GRID2: variants seen among roughly 807,000 people sequenced by gnomAD.
GRID2 encodes glutamate receptor ionotropic, delta-2.
Under a neutral mutation model 114.8 loss-of-function variants are expected in GRID2, and 33 were observed. The ratio of observed to expected loss-of-function variants is 0.29; its 90% CI spans 0.22 to 0.38. The LOEUF (loss-of-function observed/expected upper bound fraction) is 0.38. Ranked by LOEUF, GRID2 falls within the 10% of genes least tolerant of loss-of-function variation. The probability of loss-of-function intolerance (pLI) is 1.00; values close to 1 mark genes in which losing one functional copy is unlikely to be tolerated. For synonymous variants in GRID2, 505 were observed against 449.9 expected, an observed-to-expected ratio of 1.12 and a Z score of -1.55; for missense variants, 1,184 against 1,257.7, an observed-to-expected ratio of 0.94 and a Z score of 0.89.
chr4:92,431,576 C>CTTT (rs139358667), intron 1 of GRID2, among the ~76,000 whole-genome samples: 2 of 114,124 alleles, frequency 1.8e-5, no homozygotes, highest in African/African-American at 3.1e-5. Context: ...TTTGACGTGT[C>CTTT]TTTTTTTTTT....
At chr4:93,266,451 C>T (rs138880632) in intron 8 of GRID2, among the ~76,000 whole-genome samples, 4 of 152,234 alleles carry the variant, frequency 2.6e-5, no homozygotes, top group East Asian at 3.9e-4. Context: ...CACACATCCA[C>T]CTGTTCACCA....
chr4:92,729,928 A>C (rs1229151822), intron 2 of GRID2, among the ~76,000 whole-genome samples: 1 of 152,040 alleles, frequency 6.6e-6, no homozygotes, highest in East Asian at 1.9e-4. Flanking sequence ...CAAAGCAAGC[A>C]AAGAGAAAGC....
intron 1 of GRID2, among the ~76,000 whole-genome samples, chr4:92,478,480 G>T (rs1192632838): frequency 3.3e-5 from 5 of 152,156 alleles, no homozygotes; most frequent in Non-Finnish European, 4.4e-5. Context: ...TCATCATAAA[G>T]CTGGTCATGC....
chr4:93,403,697 G>T (rs571870054), intron 9 of GRID2, among the ~76,000 whole-genome samples: 6 of 152,146 alleles, frequency 3.9e-5, no homozygotes, highest in Non-Finnish European at 7.4e-5. Flanking sequence ...AGCCCACTAG[G>T]ATGGCTATAT....
intron 2 of GRID2, among the ~76,000 whole-genome samples, chr4:92,751,254 G>T (rs922546608): frequency 6.6e-6 from 1 of 151,980 alleles, no homozygotes; most frequent in African/African-American, 2.4e-5. Context: ...AAAAAGATAC[G>T]TAGATTAAAA....
chr4:93,325,211 T>G (rs1424686031), intron 8 of GRID2, among the ~76,000 whole-genome samples: 1 of 152,188 alleles, frequency 6.6e-6, no homozygotes, highest in Non-Finnish European at 1.5e-5. Context: ...GCTTTAAGTG[T>G]GTCCCAGAGA....
chr4:92,913,661 A>T (rs1031984403), intron 2 of GRID2, among the ~76,000 whole-genome samples: 2 of 152,040 alleles, frequency 1.3e-5, no homozygotes, highest in African/African-American at 2.4e-5. Context: ...ATTATACTGT[A>T]GCATTTGACT....
chr4:92,737,701 A>T (rs1047919424), intron 2 of GRID2, among the ~76,000 whole-genome samples: 3 of 152,180 alleles, frequency 2.0e-5, no homozygotes, highest in African/African-American at 7.2e-5. Context: ...AATTTATAGA[A>T]TAAACAGATA....
chr4:92,811,205 A>T lies in GRID2; in HGVS notation c.244+220919A>T, dbSNP rs956457072. Among the ~76,000 whole-genome samples the T allele has an allele frequency of 3.3e-5, 5 of 152,176 alleles. No homozygotes were observed. The East Asian group carries it at 9.7e-4, about 29-fold the overall frequency. On this transcript the variant is annotated intron_variant, in intron 2 of 15. Transcript: ENST00000282020. ...TGTCCCTGAAATCCTTGAAATAAAA[A>T]GTATAATTTTCTAACTAAAAATGTA...
chr4:93,324,822 G>A (rs1048324596), intron 8 of GRID2, among the ~76,000 whole-genome samples: 87 of 152,160 alleles, frequency 5.7e-4, no homozygotes, highest in Non-Finnish European at 1.0e-3. Flanking sequence ...GTTTACTTGC[G>A]TAGAGGTGTT....
chr4:92,966,625 T>C (rs900049915), intron 2 of GRID2, among the ~76,000 whole-genome samples: 22 of 151,860 alleles, frequency 1.4e-4, no homozygotes, highest in Admixed American at 9.2e-4. Context: ...GATCTGATGT[T>C]TTCATAAATA....
rs192143044 is a variant in GRID2, at chr4:93,709,492, C to T, written c.2361-59718C>T. 8.5e-5 allele frequency among the ~76,000 whole-genome samples: 13 copies of T among 152,196 alleles called. No individual in the cohort carries two copies. The East Asian group carries it at 1.5e-3, about 18-fold the overall frequency. On this transcript the variant is annotated intron_variant, in intron 14 of 15. Coordinates refer to ENST00000282020, the MANE Select transcript of GRID2 (RefSeq NM_001510.4). ...TATGTTATTTATTCCTTTTCTCTTG[C>T]GGCTTTTAGAATCCTTTCTTTATCC... is the stretch of plus-strand genomic sequence containing the variant.
chr4:92,944,021 C>T (rs1469645647), intron 2 of GRID2, among the ~76,000 whole-genome samples: 1 of 152,204 alleles, frequency 6.6e-6, no homozygotes. Context: ...AGTTAGGCTA[C>T]TCAGGGGTCA....
At chr4:92,888,913 G>A (rs1337069366) in intron 2 of GRID2, among the ~76,000 whole-genome samples, 2 of 151,730 alleles carry the variant, frequency 1.3e-5, no homozygotes, top group African/African-American at 4.8e-5. Flanking sequence ...CATATTATCT[G>A]TATATGAGCA....
chr4:92,975,156 C>CAAAAAAAA lies in GRID2; in HGVS notation c.245-109825_245-109818dup, dbSNP rs527770693. 2.9e-3 allele frequency among the ~76,000 whole-genome samples: 137 copies of CAAAAAAAA among 46,670 alleles called. 25 individuals are homozygous for CAAAAAAAA. The highest frequency in any genetic ancestry group is 0.013 in the African/African-American group (128 of 10,190). The allele number at this position is 46,670 out of a possible 152,430, so 30.6% of individuals were successfully genotyped here. On this transcript the variant is annotated intron_variant, in intron 2 of 15. Coordinates refer to ENST00000282020, the MANE Select transcript of GRID2 (RefSeq NM_001510.4). Reference sequence around the variant, plus strand: ...TGGGCGACAGAGTGAGATTCCGCCTCAAAAAAAAAAAAAAAAAAAAAGGTG... The same window carrying CAAAAAAAA: ...TGGGCGACAGAGTGAGATTCCGCCTCAAAAAAAAAAAAAAAAAAAAAAAAAAAAAGGTG...
At chr4:92,643,873 A>G (rs1048628680) in intron 2 of GRID2, among the ~76,000 whole-genome samples, 1 of 151,980 alleles carries the variant, frequency 6.6e-6, no homozygotes, top group Middle Eastern at 3.4e-3. Flanking sequence ...GAGAAATTCA[A>G]TCTAATCAGA....
At chr4:93,801,876 TA>T (rs1489240727) in intron 1 of GRID2, among the ~76,000 whole-genome samples, 1 of 152,240 alleles carries the variant, frequency 6.6e-6, no homozygotes, top group Non-Finnish European at 1.5e-5. Context: ...GTTAAATTAC[TA>T]TAAGGGGTTC....
At chr4:92,403,693 A>AAGATAAAT (rs906579566) in intron 1 of GRID2, among the ~76,000 whole-genome samples, 1 of 139,068 alleles carries the variant, frequency 7.2e-6, no homozygotes, top group Non-Finnish European at 1.5e-5. Flanking sequence ...CTCCATCTCA[A>AAGATAAAT]AAATAAATAA....
chr4:92,932,070 A>G (rs1361990545), intron 2 of GRID2, among the ~76,000 whole-genome samples: 4 of 151,324 alleles, frequency 2.6e-5, no homozygotes, highest in African/African-American at 9.7e-5. Flanking sequence ...AGCATCAAGC[A>G]TGAAAAAATT....
Sources: allele counts gnomAD v4.1 joint callset (sites outside exome capture counted in the v4.1 genomes callset), GRCh38; gene constraint gnomAD v4.1.1; transcripts MANE v1.5; gene names NCBI Gene and HGNC (gene_info 2026-07-23, HGNC 2026-07-21).